STX8: variants seen among roughly 807,000 people sequenced by gnomAD.
The protein encoded by STX8 is syntaxin 8.
A neutral mutation model predicts 37.5 loss-of-function variants in STX8; 23 were observed. The observed-to-expected ratio is 0.61, with a 90% CI of 0.44 to 0.87. STX8 has a LOEUF of 0.87. Among genes scored for constraint, STX8 ranks in the 40% least tolerant of loss-of-function variants. STX8 has a pLI of 0.00. For missense variants in STX8, 313 were observed against 284.7 expected (o/e 1.10, Z -0.71); for synonymous variants, 115 against 99.1 (o/e 1.16, Z -0.95).
chr17:9,539,109 C>T (rs140937486), intron 4 of STX8, among the ~76,000 whole-genome samples: 343 of 152,198 alleles, frequency 2.3e-3, no homozygotes, highest in African/African-American at 8.1e-3. Context: ...ACCAGTAATC[C>T]GTAAGGTAAA....
rs11300957 is a variant in STX8 at position 9,547,246 on chromosome 17, C to CA, written c.213-1965dup. 2.2e-4 allele frequency: 28 copies of CA among 129,644 alleles called. 1 individual carries two copies. Among genetic ancestry groups the CA allele is most frequent in the African/African-American group, 8.2e-4 (27 of 32,882 alleles). The allele number at this position is 129,644 out of a possible 1,614,324, so 8.0% of individuals were successfully genotyped here. ...CTGGTGAAAGAGCGAGACTCTGTCT[C>CA]AAAAAAAAAAAAAAAAAAAAGAAAA... On this transcript the variant is annotated intron_variant, in intron 3 of 7. Transcript: ENST00000306357.
intron 6 of STX8, chr17:9,469,251 G>A (rs1431324418): frequency 6.6e-6 from 1 of 152,132 alleles, no homozygotes; most frequent in African/African-American, 2.4e-5. Context: ...TTTGAGCAAG[G>A]TGAGTGCTGT....
intron 7 of STX8, among the ~76,000 whole-genome samples, chr17:9,261,612 A>G (rs977563082): frequency 1.3e-5 from 2 of 152,134 alleles, no homozygotes; most frequent in African/African-American, 2.4e-5. Flanking sequence ...TGTAGGCCCC[A>G]TCTGTGTTCT....
intron 6 of STX8, among the ~76,000 whole-genome samples, chr17:9,450,146 T>C (rs757745288): frequency 8.6e-5 from 13 of 151,898 alleles, no homozygotes; most frequent in Admixed American, 4.6e-4. Context: ...TGGTGCGATC[T>C]TGGCTTACAG....
intron 6 of STX8, among the ~76,000 whole-genome samples, chr17:9,432,711 G>A (rs1028103529): frequency 6.6e-6 from 1 of 152,134 alleles, no homozygotes; most frequent in African/African-American, 2.4e-5. Flanking sequence ...TTTCCACCAC[G>A]TGTCTGTTTC....
At chr17:9,387,952 T>C (rs898823512) in intron 6 of STX8, among the ~76,000 whole-genome samples, 1 of 152,130 alleles carries the variant, frequency 6.6e-6, no homozygotes, top group Admixed American at 6.5e-5. Context: ...ATTAGATCAA[T>C]GAAAACCAGT....
intron 6 of STX8, among the ~76,000 whole-genome samples, chr17:9,491,040 T>G (rs879633492): frequency 6.6e-6 from 1 of 152,148 alleles, no homozygotes; most frequent in Admixed American, 6.5e-5. Context: ...ACACGTCACC[T>G]CTACACTGCA....
Position 9,399,302 on chromosome 17 carries a change from G to T in STX8, c.542-20649C>A, listed in dbSNP as rs142600057. Among the ~76,000 whole-genome samples the T allele has an allele frequency of 2.9e-3, 448 of 152,230 alleles. 2 individuals carry two copies. The highest frequency in any genetic ancestry group is 0.01 in the African/African-American group (436 of 41,548). On this transcript the variant is annotated intron_variant, in intron 6 of 7. Transcript: ENST00000306357. ...ACTAAGGGATCATAACAATTCCCGA[G>T]TGGCTCCTATGAGCAAGGTACTGTT...
intron 6 of STX8, among the ~76,000 whole-genome samples, chr17:9,415,823 T>C (rs1411895254): frequency 1.3e-5 from 2 of 152,222 alleles, no homozygotes; most frequent in Non-Finnish European, 2.9e-5. Context: ...ATCCAGCTTC[T>C]TCATGGCTTT....
chr17:9,435,481 A>C (rs1166089036), intron 6 of STX8, among the ~76,000 whole-genome samples: 1 of 152,220 alleles, frequency 6.6e-6, no homozygotes, highest in African/African-American at 2.4e-5. Context: ...AACGATATGC[A>C]TGCTGACTTT....
intron 6 of STX8, among the ~76,000 whole-genome samples, chr17:9,417,264 C>T (rs1056858803): frequency 7.9e-5 from 12 of 152,136 alleles, no homozygotes; most frequent in Admixed American, 2.0e-4. Context: ...AAAAAGAACA[C>T]GTTAGATGAT....
At chr17:9,498,160 G>A (rs1168969080) in intron 5 of STX8, among the ~76,000 whole-genome samples, 2 of 362 alleles carry the variant, frequency 5.5e-3, no homozygotes, top group South Asian at 0.12. Flanking sequence ...GCCTGAGGTG[G>A]GGGGGGATCA....
intron 7 of STX8, among the ~76,000 whole-genome samples, chr17:9,277,944 C>G (rs1907732587): frequency 6.6e-6 from 1 of 152,106 alleles, no homozygotes; most frequent in Non-Finnish European, 1.5e-5. Flanking sequence ...ATCCTAAGTA[C>G]AAGGGAAGCA....
chr17:9,319,024 A>G (rs545493583), intron 7 of STX8, among the ~76,000 whole-genome samples: 53 of 152,300 alleles, frequency 3.5e-4, no homozygotes, highest in African/African-American at 1.1e-3. Context: ...CTAGCAAACA[A>G]CCAAAGAAAT....
chr17:9,333,069 T>C (rs1298275044), intron 7 of STX8, among the ~76,000 whole-genome samples: 2 of 152,242 alleles, frequency 1.3e-5, no homozygotes, highest in African/African-American at 4.8e-5. Flanking sequence ...CAATTCTTTT[T>C]TAACTGTGCT....
At chr17:9,512,872 A>G (rs1327438348) in intron 4 of STX8, among the ~76,000 whole-genome samples, 1 of 152,188 alleles carries the variant, frequency 6.6e-6, no homozygotes, top group Non-Finnish European at 1.5e-5. Context: ...CTAAGGAAAA[A>G]ATCAACTCAA....
chr17:9,390,938 C>G (rs1024954685), intron 6 of STX8, among the ~76,000 whole-genome samples: 10 of 151,920 alleles, frequency 6.6e-5, no homozygotes, highest in African/African-American at 2.4e-4. Context: ...CTGGAGCACC[C>G]CCTCAAAAAA....
intron 3 of STX8, among the ~76,000 whole-genome samples, chr17:9,550,495 AC>A (rs1906719280): frequency 6.6e-6 from 1 of 151,614 alleles, no homozygotes; most frequent in Non-Finnish European, 1.5e-5. Context: ...AATGGCGTGA[AC>A]CCGGGAGGTG....
At chr17:9,509,909 CAT>C (rs1904969325) in intron 4 of STX8, among the ~76,000 whole-genome samples, 2 of 150,112 alleles carry the variant, frequency 1.3e-5, no homozygotes, top group Non-Finnish European at 3.0e-5. Flanking sequence ...TACAGACACA[CAT>C]AGACTGAAAG....
Sources: allele counts gnomAD v4.1 joint callset (sites outside exome capture counted in the v4.1 genomes callset), GRCh38; gene constraint gnomAD v4.1.1; transcripts MANE v1.5; gene names NCBI Gene and HGNC (gene_info 2026-07-23, HGNC 2026-07-21).